DGCR6L: variants seen among roughly 807,000 people sequenced by gnomAD.
DGCR6L encodes protein DGCR6L.
Under a neutral mutation model 31.1 loss-of-function variants are expected in DGCR6L, and 24 were observed. The ratio of observed to expected loss-of-function variants is 0.77; its 90% CI spans 0.56 to 1.08. DGCR6L has a LOEUF of 1.08. Ranked by LOEUF, DGCR6L falls within the 50% of genes least tolerant of loss-of-function variation. The pLI is 0.00. For missense variants in DGCR6L, 218 were observed against 287.1 expected, an observed-to-expected ratio of 0.76 and a Z score of 1.74; for synonymous variants, 104 against 126.1, an observed-to-expected ratio of 0.82 and a Z score of 1.17.
In DGCR6L at chr22:20,320,009, G is replaced by A. The variant is rs1298701256; in HGVS notation, c.-21C>T. On this transcript the variant is annotated 5_prime_UTR_variant, in exon 1 of 5. Transcript: ENST00000248879. ...TCCATGGCGCGGACGCCCGCTAGCC[G>A]CCGGCGGCGGCGACGAGCTCCCCCA... is the stretch of plus-strand genomic sequence containing the variant. 16 of 1,527,092 alleles carry A rather than the reference G, an allele frequency of 1.0e-5. No individual in the cohort carries two copies. Among genetic ancestry groups the A allele is most frequent in the African/African-American group, 2.8e-5 (2 of 71,418 alleles). 94.6% of individuals were successfully genotyped at this position (1,527,092 alleles called of 1,614,324 possible). A position where few individuals can be genotyped will look rare whatever the true frequency, so the allele number is the denominator to read the frequency against.
At chr22:20,318,976 G>A (rs2051588654) in intron 2 of DGCR6L, among the ~76,000 whole-genome samples, 1 of 152,198 alleles carries the variant, frequency 6.6e-6, no homozygotes, top group Admixed American at 6.5e-5. Context: ...CTTTAGTGAA[G>A]AGCACAAGCG....
Position 20,314,666 on chromosome 22 carries a change from T to C in DGCR6L, c.*9A>G, listed in dbSNP as rs372042388. The C allele has an allele frequency of 5.0e-6, 8 of 1,584,624 alleles. No individual in the cohort carries two copies. Among genetic ancestry groups the C allele is most frequent in the Non-Finnish European group, 6.9e-6 (8 of 1,162,450 alleles). On this transcript the variant is annotated 3_prime_UTR_variant, in exon 5 of 5. Coordinates refer to ENST00000248879, the MANE Select transcript of DGCR6L (RefSeq NM_033257.4). ...AGATGAACTCTGCCCAGACTTCTGC[T>C]GCCTGTGGCTATGGTGGGACAGGGC...
At chr22:20,319,559 C>G (rs2051592646) in intron 2 of DGCR6L, 80 bp downstream of exon 2, 2 of 1,540,194 alleles carry the variant, frequency 1.3e-6, no homozygotes, top group Non-Finnish European at 1.7e-6. Flanking sequence ...AAGGAAGGAG[C>G]TGATCTGCAC....
chr22:20,317,241 C>T (rs569460468), intron 2 of DGCR6L, among the ~76,000 whole-genome samples: 10 of 152,350 alleles, frequency 6.6e-5, no homozygotes, highest in South Asian at 2.1e-4. Context: ...CACACCTCGA[C>T]GATGGTATTT....
Position 20,315,495 on chromosome 22 carries a change from G to A in DGCR6L, c.373-19C>T, listed in dbSNP as rs368710017. On this transcript the variant is annotated intron_variant, in intron 3 of 4. Coordinates refer to ENST00000248879, the MANE Select transcript of DGCR6L (RefSeq NM_033257.4). ...CCACGGCCTGCCATGGGGCCAGGGC[G>A]CGGAGGGGGAGAGGTGAGGGCAGCT... 39 of 1,611,010 alleles carry A rather than the reference G, an allele frequency of 2.4e-5. 1 individual carries two copies. The highest frequency in any genetic ancestry group is 2.8e-5 in the Non-Finnish European group (33 of 1,178,804).
chr22:20,315,290 G>A (rs2146016477), intron 4 of DGCR6L, 46 bp downstream of exon 4: 3 of 1,580,238 alleles, frequency 1.9e-6, no homozygotes, highest in African/African-American at 1.3e-5. Context: ...GATGGAATGG[G>A]GCCCCGGGGC....
chr22:20,316,428 C>T (rs1174655467), intron 2 of DGCR6L, among the ~76,000 whole-genome samples: 1 of 152,202 alleles, frequency 6.6e-6, no homozygotes, highest in Non-Finnish European at 1.5e-5. Flanking sequence ...CCAGAAGGTG[C>T]GGGGCACTGA....
chr22:20,319,150 G>C (rs2051589557), intron 2 of DGCR6L, among the ~76,000 whole-genome samples: 1 of 152,222 alleles, frequency 6.6e-6, no homozygotes, highest in South Asian at 2.1e-4. Flanking sequence ...GCTCAAGTGG[G>C]AAGCTCTTCG....
In DGCR6L at chr22:20,314,482, C is replaced by G; in HGVS notation, c.*193G>C. On this transcript the variant is annotated 3_prime_UTR_variant, in exon 5 of 5. Coordinates refer to ENST00000248879, the MANE Select transcript of DGCR6L (RefSeq NM_033257.4). ...ACTCTCTGCCTGGTCCTGAAGCAGA[C>G]AGCAGCAGGCTGGCCCAGCCTCCCC... The G allele has an allele frequency of 1.0e-6, 1 of 965,702 alleles. No individual in the cohort carries two copies. The highest frequency in any genetic ancestry group is 2.7e-5 in the East Asian group (1 of 36,444). The allele number at this position is 965,702 out of a possible 1,614,324, so 59.8% of individuals were successfully genotyped here.
chr22:20,316,532 T>G (rs1239429244), intron 2 of DGCR6L, among the ~76,000 whole-genome samples: 1 of 152,168 alleles, frequency 6.6e-6, no homozygotes, highest in Non-Finnish European at 1.5e-5. Context: ...GAGGCTGCAG[T>G]CTGAGGGCTT....
At chr22:20,317,326 A>G (rs891649226) in intron 2 of DGCR6L, among the ~76,000 whole-genome samples, 5 of 152,284 alleles carry the variant, frequency 3.3e-5, no homozygotes, top group African/African-American at 1.2e-4. Flanking sequence ...TCTACTGATC[A>G]AACATTGCTA....
intron 2 of DGCR6L, chr22:20,318,013 A>G (rs1645070979): frequency 3.9e-6 from 1 of 253,518 alleles, no homozygotes; most frequent in Non-Finnish European, 8.0e-6. Flanking sequence ...TTACATGAAA[A>G]CTATAGACCA....
intron 2 of DGCR6L, among the ~76,000 whole-genome samples, chr22:20,317,807 G>A (rs2051581443): frequency 1.3e-5 from 2 of 152,240 alleles, no homozygotes. Flanking sequence ...AAGGAATAAT[G>A]AGCCATGCGC....
rs1279757470 is a variant in DGCR6L at position 20,319,896 on chromosome 22, C to T, written c.93G>A (p.Leu31=). 1.9e-6 allele frequency: 3 copies of T among 1,610,538 alleles called. No individual in the cohort carries two copies. Among genetic ancestry groups the T allele is most frequent in the African/African-American group, 2.7e-5 (2 of 74,872 alleles). Residue 31 remains leucine, a synonymous_variant, in exon 1 of 5, where the codon CTG becomes CTA. Coordinates refer to ENST00000248879, the MANE Select transcript of DGCR6L (RefSeq NM_033257.4). ...HYQLLSALQS[L]VKELPSSFQQ... The stretch of plus-strand genomic sequence containing the variant: ...CTGCGTACCTGGGCAACTCCTTCAC[C>T]AGGCTCTGTAGCGCCGACAGCAACT...
At position 20,315,489 on chromosome 22, in the gene DGCR6L, C is replaced by T. The variant is rs760779081; in HGVS notation, c.373-13G>A. The T allele has an allele frequency of 6.2e-7, 1 of 1,612,256 alleles. No homozygotes were observed. Among genetic ancestry groups the T allele is most frequent in the Non-Finnish European group, 8.5e-7 (1 of 1,179,414 alleles). On this transcript the variant is annotated splice_polypyrimidine_tract_variant and intron_variant, in intron 3 of 4. Transcript: ENST00000248879. ...GGTGTTCCACGGCCTGCCATGGGGC[C>T]AGGGCGCGGAGGGGGAGAGGTGAGG...
intron 3 of DGCR6L, 129 bp from the exon 4 acceptor site, chr22:20,315,605 G>T: frequency 7.2e-7 from 1 of 1,397,114 alleles, no homozygotes; most frequent in South Asian, 1.4e-5. Context: ...TGACACCACC[G>T]GTGCATCCTC....
chr22:20,315,767 C>G (rs938623279), intron 3 of DGCR6L, among the ~76,000 whole-genome samples: 2 of 152,194 alleles, frequency 1.3e-5, no homozygotes, highest in African/African-American at 4.8e-5. Context: ...ATGCCAGTCT[C>G]TGGTTGTCCC....
chr22:20,315,519 C>T lies in DGCR6L; in HGVS notation c.373-43G>A, dbSNP rs748737438. The T allele has an allele frequency of 6.3e-6, 10 of 1,599,592 alleles. No homozygotes were observed. The South Asian group carries it at 7.8e-5, about 12-fold the overall frequency. Reference sequence around the variant, plus strand: ...CGCGGAGGGGGAGAGGTGAGGGCAGCTCTGCCATCAGGGGGCGGGGAGGTG... The same window carrying T: ...CGCGGAGGGGGAGAGGTGAGGGCAGTTCTGCCATCAGGGGGCGGGGAGGTG... On this transcript the variant is annotated intron_variant, in intron 3 of 4. Coordinates refer to ENST00000248879, the MANE Select transcript of DGCR6L (RefSeq NM_033257.4).
Position 20,314,861 on chromosome 22 carries a change from C to A in DGCR6L, c.514-37G>T, listed in dbSNP as rs191150933. 4 of 1,609,820 alleles carry A rather than the reference C, an allele frequency of 2.5e-6. No homozygotes were observed. The East Asian group carries it at 6.7e-5, about 27-fold the overall frequency. On this transcript the variant is annotated intron_variant, in intron 4 of 4. Coordinates refer to ENST00000248879, the MANE Select transcript of DGCR6L (RefSeq NM_033257.4). ...AGGGGCCCCATGAAGGCCAGAGTGACCCCCAGGCCCCTTTCATCCCGGCCC... is the reference window on the plus strand; with the variant it reads ...AGGGGCCCCATGAAGGCCAGAGTGAACCCCAGGCCCCTTTCATCCCGGCCC...
Sources: allele counts gnomAD v4.1 joint callset (sites outside exome capture counted in the v4.1 genomes callset), GRCh38; gene constraint gnomAD v4.1.1; transcripts MANE v1.5; gene names NCBI Gene and HGNC (gene_info 2026-07-23, HGNC 2026-07-21).